The following ZNF681 variants were observed in gnomAD, a reference collection of about 807,000 sequenced individuals.
ZNF681 encodes the protein zinc finger protein 681, also known as hypothetical protein FLJ31526.
Under a neutral mutation model 56.0 loss-of-function variants are expected in ZNF681, and 37 were observed. The observed-to-expected ratio is 0.66, with a 90% CI of 0.51 to 0.87. The LOEUF (loss-of-function observed/expected upper bound fraction) is 0.87. Among genes scored for constraint, ZNF681 ranks in the 40% least tolerant of loss-of-function variants. The pLI is 0.00. For missense variants in ZNF681, 741 were observed against 744.9 expected (o/e 0.99, Z 0.06); for synonymous variants, 225 against 248.6 (o/e 0.91, Z 0.89).
intron 3 of ZNF681, among the ~76,000 whole-genome samples, chr19:23,751,831 G>T (rs1428576421): frequency 3.3e-5 from 5 of 152,010 alleles, no homozygotes; most frequent in Admixed American, 3.3e-4. Flanking sequence ...GACTACAGGC[G>T]CCTGCCACCA....
chr19:23,753,123 G>T (rs1236361011), intron 3 of ZNF681, among the ~76,000 whole-genome samples: 1 of 152,272 alleles, frequency 6.6e-6, no homozygotes, highest in Non-Finnish European at 1.5e-5. Flanking sequence ...TTACAGCCAG[G>T]CATGGTGGCT....
intron 3 of ZNF681, among the ~76,000 whole-genome samples, chr19:23,749,471 T>G (rs1968992843): frequency 6.6e-6 from 1 of 152,204 alleles, no homozygotes; most frequent in South Asian, 2.1e-4. Context: ...AGACAGGGTC[T>G]CATTCTATCA....
chr19:23,757,204 T>G (rs1257081149), intron 1 of ZNF681, among the ~76,000 whole-genome samples: 1 of 152,016 alleles, frequency 6.6e-6, no homozygotes, highest in African/African-American at 2.4e-5. Context: ...TTATACAAGC[T>G]AAAAGTGCTG....
chr19:23,746,580 G>A (rs536638477), intron 3 of ZNF681, among the ~76,000 whole-genome samples: 18 of 152,248 alleles, frequency 1.2e-4, no homozygotes, highest in African/African-American at 4.3e-4. Context: ...TGATTACCAA[G>A]AGGGTGATGC....
chr19:23,739,960 AT>A lies in ZNF681; in HGVS notation c.*3651del, dbSNP rs1968858082. ...TAATGTTCACACTTACAAATAGAAG[AT>A]TTTGCATGGAAACGTACATTGTGGC... On this transcript the variant is annotated 3_prime_UTR_variant, in exon 4 of 4. Coordinates refer to ENST00000402377, the MANE Select transcript of ZNF681 (RefSeq NM_138286.3). 1 of 152,170 alleles carries A rather than the reference AT, an allele frequency of 6.6e-6. No individual in the cohort carries two copies. The allele number at this position is 152,170 out of a possible 1,614,324, so 9.4% of individuals were successfully genotyped here. A position where few individuals can be genotyped will look rare whatever the true frequency, so the allele number is the denominator to read the frequency against.
chr19:23,751,222 A>G (rs926246912), intron 3 of ZNF681, among the ~76,000 whole-genome samples: 16 of 151,934 alleles, frequency 1.1e-4, no homozygotes, highest in Non-Finnish European at 2.2e-4. Flanking sequence ...CACACATGTA[A>G]TCCCAGCACT....
At chr19:23,749,256 C>T (rs896525228) in intron 3 of ZNF681, among the ~76,000 whole-genome samples, 1 of 152,074 alleles carries the variant, frequency 6.6e-6, no homozygotes, top group African/African-American at 2.4e-5. Flanking sequence ...TATATGATCC[C>T]ATTTATAGGA....
chr19:23,749,819 T>A (rs919592255), intron 3 of ZNF681, among the ~76,000 whole-genome samples: 2 of 145,702 alleles, frequency 1.4e-5, no homozygotes, highest in Non-Finnish European at 3.0e-5. Flanking sequence ...TCAAAAAAAA[T>A]CTGAAAAAAT....
At chr19:23,750,526 T>C (rs922090446) in intron 3 of ZNF681, among the ~76,000 whole-genome samples, 6 of 151,700 alleles carry the variant, frequency 4.0e-5, no homozygotes, top group Admixed American at 3.3e-4. Flanking sequence ...GAAACTAATA[T>C]TAAGAAACCT....
intron 3 of ZNF681, among the ~76,000 whole-genome samples, chr19:23,753,446 A>G (rs1286231116): frequency 6.6e-6 from 1 of 152,306 alleles, no homozygotes; most frequent in African/African-American, 2.4e-5. Context: ...TTCTGAGAAG[A>G]AATTTAATCA....
intron 3 of ZNF681, among the ~76,000 whole-genome samples, chr19:23,750,240 C>T (rs113364499): frequency 1.1e-3 from 155 of 140,722 alleles, no homozygotes; most frequent in African/African-American, 3.5e-3. Flanking sequence ...GCCAAGATTG[C>T]GCCATTGCAC....
rs1363464188 is a variant in ZNF681, at chr19:23,758,841, G to A, written c.-92C>T. ...TAGAGGCTGGGCCTCTAGAAGAAGAGGACACAGAGCAGTGAAGACGAGACC... is the reference window on the plus strand; with the variant it reads ...TAGAGGCTGGGCCTCTAGAAGAAGAAGACACAGAGCAGTGAAGACGAGACC... On this transcript the variant is annotated 5_prime_UTR_variant, in exon 1 of 4. Coordinates refer to ENST00000402377, the MANE Select transcript of ZNF681 (RefSeq NM_138286.3). 6 of 1,578,050 alleles carry A rather than the reference G, an allele frequency of 3.8e-6. No individual in the cohort carries two copies. Among genetic ancestry groups the A allele is most frequent in the East Asian group, 2.2e-5 (1 of 44,678 alleles).
chr19:23,750,958 T>C (rs577139622), intron 3 of ZNF681, among the ~76,000 whole-genome samples: 10 of 151,136 alleles, frequency 6.6e-5, no homozygotes, highest in African/African-American at 2.4e-4. Context: ...ACCCTATCTC[T>C]ACTAATAAAA....
chr19:23,739,368 A>G lies in ZNF681; in HGVS notation c.*4244T>C, dbSNP rs545851212. 29 of 152,344 alleles carry G rather than the reference A, an allele frequency of 1.9e-4. No individual in the cohort carries two copies. The highest frequency in any genetic ancestry group is 1.3e-3 in the Admixed American group (20 of 15,298). 9.4% of individuals were successfully genotyped at this position (152,344 alleles called of 1,614,324 possible). On this transcript the variant is annotated 3_prime_UTR_variant, in exon 4 of 4. Coordinates refer to ENST00000402377, the MANE Select transcript of ZNF681 (RefSeq NM_138286.3). ...GTTTAGAAAGATGTCAGTCAAATACATAATTACAGTTGAATAGGAGAAATA... is the reference window on the plus strand; with the variant it reads ...GTTTAGAAAGATGTCAGTCAAATACGTAATTACAGTTGAATAGGAGAAATA...
Position 23,744,947 on chromosome 19 carries a change from T to A in ZNF681, c.603A>T (p.Glu201Asp). 6.2e-7 allele frequency: 1 copy of A among 1,600,130 alleles called. No homozygotes were observed. The highest frequency in any genetic ancestry group is 8.5e-7 in the Non-Finnish European group (1 of 1,172,976). Residue 201 changes from glutamate (E) to aspartate (D), a missense_variant, in exon 4 of 4, where the codon GAA becomes GAT. Coordinates refer to ENST00000402377, the MANE Select transcript of ZNF681 (RefSeq NM_138286.3). ...ATCCATTAAAGGCTTTTCCACAGTC[T>A]TCACATTTGTAGAAATTTACTCTAG... ...ICTRVNFYKCEDCGKAFNGSS... is the reference protein window; with the variant it reads ...ICTRVNFYKCDDCGKAFNGSS...
At chr19:23,748,818 A>G (rs1407815164) in intron 3 of ZNF681, among the ~76,000 whole-genome samples, 1 of 152,222 alleles carries the variant, frequency 6.6e-6, no homozygotes, top group African/African-American at 2.4e-5. Flanking sequence ...ATCACGTGAA[A>G]AAAACTCAAA....
chr19:23,755,319 C>G (rs12610753), intron 2 of ZNF681, 106 bp downstream of exon 2: 1 of 1,384,246 alleles, frequency 7.2e-7, no homozygotes, highest in Non-Finnish European at 9.7e-7. Flanking sequence ...AAACAGGGAT[C>G]TGAAACTCAC....
At chr19:23,754,172 C>A (rs942100355) in intron 3 of ZNF681, among the ~76,000 whole-genome samples, 3 of 152,152 alleles carry the variant, frequency 2.0e-5, no homozygotes, top group African/African-American at 7.2e-5. Context: ...AAGAACTTAA[C>A]AGAGTTTCTC....
rs1044820628 is a variant in ZNF681, at chr19:23,754,868, CTT to C, written c.179_180del (p.Lys60ArgfsTer5). ...CTATGTCTCTTTCTAGTCCAAGGCT[CTT>C]TTTCTTGTTCCAGACAGGTGATCAG... ...PDLITCLEQE[K>X]EPWTRKRHRM... On this transcript the variant is annotated frameshift_variant, in exon 3 of 4. Transcript: ENST00000402377. LOFTEE classifies it high-confidence loss of function. 3 of 1,613,970 alleles carry C rather than the reference CTT, an allele frequency of 1.9e-6. No individual in the cohort carries two copies. The African/African-American group carries it at 4.0e-5, about 22-fold the overall frequency.
Sources: gnomAD v4.1 joint callset for allele counts (sites outside exome capture counted in the v4.1 genomes callset) on GRCh38, gnomAD v4.1.1 for gene constraint, MANE v1.5 for transcripts, NCBI Gene and HGNC (gene_info 2026-07-23, HGNC 2026-07-21) for gene names.